The following PALS1 variants were observed in gnomAD, a reference collection of about 807,000 sequenced individuals.
The protein encoded by PALS1 is protein PALS1.
PALS1 carries 31 observed loss-of-function variants against 78.9 expected under a neutral mutation model. The observed-to-expected ratio is 0.39, with a 90% CI of 0.30 to 0.53. The LOEUF (loss-of-function observed/expected upper bound fraction) is 0.53. Ranked by LOEUF, PALS1 falls within the 20% of genes least tolerant of loss-of-function variation. The pLI is 0.67. For missense variants in PALS1, 704 were observed against 826.5 expected, an observed-to-expected ratio of 0.85 and a Z score of 1.82; for synonymous variants, 276 against 270.9, an observed-to-expected ratio of 1.02 and a Z score of -0.18.
Position 67,312,723 on chromosome 14 carries a change from A to G in PALS1, c.1225+13A>G. Reference sequence around the variant, plus strand: ...GGGCTTGTTCCAGGTAAGACACAATATGGTAGAAAGTACATAATATTAAAA... The same window carrying G: ...GGGCTTGTTCCAGGTAAGACACAATGTGGTAGAAAGTACATAATATTAAAA... On this transcript the variant is annotated intron_variant, in intron 9 of 14. Coordinates refer to ENST00000261681, the MANE Select transcript of PALS1 (RefSeq NM_022474.4). The G allele has an allele frequency of 1.9e-6, 3 of 1,562,946 alleles. No individual in the cohort carries two copies. Among genetic ancestry groups the G allele is most frequent in the East Asian group, 4.6e-5 (2 of 43,562 alleles).
At chr14:67,289,766 GT>G (rs772529730) in intron 3 of PALS1, among the ~76,000 whole-genome samples, 1 of 136,572 alleles carries the variant, frequency 7.3e-6, no homozygotes, top group Admixed American at 7.4e-5. Flanking sequence ...TTTTTTCCAT[GT>G]CCTTTTTTTT....
intron 1 of PALS1, among the ~76,000 whole-genome samples, chr14:67,261,028 T>C (rs1052924255): frequency 1.3e-5 from 2 of 152,180 alleles, no homozygotes; most frequent in Non-Finnish European, 2.9e-5. Flanking sequence ...GCTTTTGACA[T>C]TGGACAAGTA....
intron 14 of PALS1, among the ~76,000 whole-genome samples, chr14:67,325,071 AT>A (rs1194846135): frequency 1.3e-5 from 2 of 151,394 alleles, no homozygotes; most frequent in African/African-American, 2.4e-5. Flanking sequence ...TGCCTGGCTA[AT>A]TTTTTTGTAT....
chr14:67,330,455 A>AT (rs533831095), intron 14 of PALS1, among the ~76,000 whole-genome samples: 1,841 of 117,770 alleles, frequency 0.016, 21 homozygotes, highest in Middle Eastern at 0.031. Flanking sequence ...ATTTCCCTTC[A>AT]TTTTTTTTTT....
chr14:67,280,858 TC>T (rs2084597757), intron 3 of PALS1, among the ~76,000 whole-genome samples: 1 of 118,068 alleles, frequency 8.5e-6, no homozygotes, highest in Non-Finnish European at 1.7e-5. Flanking sequence ...CTTCCTTCCC[TC>T]CCTCCCTCCC....
intron 1 of PALS1, among the ~76,000 whole-genome samples, chr14:67,266,624 C>T (rs2084329892): frequency 6.6e-6 from 1 of 152,076 alleles, no homozygotes. Context: ...CCTCGCCCAG[C>T]TGAAATATTT....
chr14:67,296,190 G>A (rs1244196634), intron 4 of PALS1, among the ~76,000 whole-genome samples: 1 of 152,136 alleles, frequency 6.6e-6, no homozygotes, highest in Non-Finnish European at 1.5e-5. Context: ...AATATACCAG[G>A]AAGCGTAAGA....
intron 4 of PALS1, among the ~76,000 whole-genome samples, chr14:67,298,811 C>G (rs138791946): frequency 2.4e-3 from 367 of 152,306 alleles, no homozygotes; most frequent in African/African-American, 8.3e-3. Context: ...CTCCCACGGC[C>G]CTTTGCGATG....
At chr14:67,269,315 A>G (rs1213498824) in intron 1 of PALS1, among the ~76,000 whole-genome samples, 5 of 152,024 alleles carry the variant, frequency 3.3e-5, no homozygotes, top group African/African-American at 1.2e-4. Flanking sequence ...TACTGCTGCT[A>G]TGAATATTTT....
At chr14:67,328,030 T>C (rs1181348206) in intron 14 of PALS1, among the ~76,000 whole-genome samples, 1 of 152,238 alleles carries the variant, frequency 6.6e-6, no homozygotes, top group Non-Finnish European at 1.5e-5. Context: ...ATGGTATTTC[T>C]AGTTCTAGAT....
At chr14:67,319,933 G>A (rs1390664054) in intron 11 of PALS1, among the ~76,000 whole-genome samples, 1 of 152,024 alleles carries the variant, frequency 6.6e-6, no homozygotes, top group African/African-American at 2.4e-5. Context: ...TCATTCCCTG[G>A]TACCGCATCC....
intron 13 of PALS1, among the ~76,000 whole-genome samples, chr14:67,322,518 T>C (rs1278544354): frequency 6.6e-6 from 1 of 152,194 alleles, no homozygotes; most frequent in Non-Finnish European, 1.5e-5. Flanking sequence ...TCAGTGGTCA[T>C]TAAAGAGATG....
chr14:67,275,796 A>G (rs1406939138), intron 2 of PALS1, among the ~76,000 whole-genome samples: 1 of 152,062 alleles, frequency 6.6e-6, no homozygotes, highest in African/African-American at 2.4e-5. Flanking sequence ...CCTCAATTTC[A>G]GAGCTATTAT....
intron 3 of PALS1, 44 bp downstream of exon 3, chr14:67,279,581 T>G: frequency 6.7e-7 from 1 of 1,486,976 alleles, no homozygotes. Flanking sequence ...TTGCTTTAAT[T>G]TATCTGTGCC....
At chr14:67,286,866 A>AG (rs1297335755) in intron 3 of PALS1, among the ~76,000 whole-genome samples, 1 of 150,992 alleles carries the variant, frequency 6.6e-6, no homozygotes, top group African/African-American at 2.4e-5. Flanking sequence ...AAAAAAAAAA[A>AG]AAAAAAAAGA....
At chr14:67,278,555 A>G (rs1296223468) in intron 2 of PALS1, among the ~76,000 whole-genome samples, 5 of 152,208 alleles carry the variant, frequency 3.3e-5, no homozygotes, top group Admixed American at 6.5e-5. Flanking sequence ...CTATATGCCA[A>G]ATCAGTTGAT....
chr14:67,253,425 A>G (rs1056570490), intron 1 of PALS1, among the ~76,000 whole-genome samples: 4 of 152,248 alleles, frequency 2.6e-5, no homozygotes, highest in African/African-American at 4.8e-5. Flanking sequence ...TGTCCTAAAC[A>G]GTTTACTTAT....
intron 1 of PALS1, among the ~76,000 whole-genome samples, chr14:67,250,296 C>T (rs749602105): frequency 2.6e-5 from 4 of 152,128 alleles, no homozygotes; most frequent in Admixed American, 1.3e-4. Flanking sequence ...TTTTTTGTAA[C>T]TCATCTGTAA....
chr14:67,289,340 T>C (rs2084736671), intron 3 of PALS1, among the ~76,000 whole-genome samples: 1 of 152,212 alleles, frequency 6.6e-6, no homozygotes, highest in South Asian at 2.1e-4. Context: ...CAATACAATA[T>C]AACAGCTATT....
Sources: allele counts gnomAD v4.1 joint callset (sites outside exome capture counted in the v4.1 genomes callset), GRCh38; gene constraint gnomAD v4.1.1; transcripts MANE v1.5; gene names NCBI Gene and HGNC (gene_info 2026-07-23, HGNC 2026-07-21).